GRIN2C: variants seen among roughly 807,000 people sequenced by gnomAD.
GRIN2C encodes the protein glutamate ionotropic receptor NMDA type subunit 2C.
Under a neutral mutation model 77.7 loss-of-function variants are expected in GRIN2C, and 64 were observed. The observed-to-expected ratio is 0.82, with a 90% CI of 0.67 to 1.01. The LOEUF (loss-of-function observed/expected upper bound fraction) is 1.01. GRIN2C is among the 50% of genes least tolerant of loss of function. The probability of loss-of-function intolerance (pLI) is 0.00; values close to 1 mark genes in which losing one functional copy is unlikely to be tolerated. For missense variants in GRIN2C, 1,549 were observed against 1,486.0 expected (o/e 1.04, Z -0.70); for synonymous variants, 792 against 643.4 (o/e 1.23, Z -3.49).
At chr17:74,860,492 G>A (rs1817579308), upstream of GRIN2C, 1 of 456,546 alleles carries the variant, frequency 2.2e-6, no homozygotes, top group African/African-American at 2.0e-5. Context: ...TGGGGGTTCA[G>A]GTTGCCGGGT....
At position 74,855,037 on chromosome 17, in the gene GRIN2C, G is replaced by T; in HGVS notation, c.56C>A (p.Ala19Glu). The change falls in exon 2 of 13, where the codon GCA becomes GAA. Residue 19 changes from alanine to glutamate, a missense_variant. Physicochemically the swap from Ala to Glu is moderately radical, Grantham distance 107. Around this residue, in one of 3 missense-constraint regions of GRIN2C, gnomAD observed 382 missense variants for 360.0 expected, o/e 1.06. Coordinates refer to ENST00000293190, the MANE Select transcript of GRIN2C (RefSeq NM_000835.6). ...LLLTSLFGAWAGLGPGQGEQG... is the reference protein window; with the variant it reads ...LLLTSLFGAWEGLGPGQGEQG... Reference sequence around the variant, plus strand: ...CTCGCCCTGCCCCGGACCCAGCCCTGCCCAGGCACCGAAGAGCGAGGTGAG... The same window carrying T: ...CTCGCCCTGCCCCGGACCCAGCCCTTCCCAGGCACCGAAGAGCGAGGTGAG... 1 of 1,599,934 alleles carries T rather than the reference G, an allele frequency of 6.3e-7. No individual in the cohort carries two copies. The highest frequency in any genetic ancestry group is 8.5e-7 in the Non-Finnish European group (1 of 1,178,804).
rs2037507482 is a variant in GRIN2C at position 74,847,725 on chromosome 17, C to T, written c.1771+127G>A. The T allele has an allele frequency of 1.6e-5, 15 of 961,442 alleles. No individual in the cohort carries two copies. The highest frequency in any genetic ancestry group is 2.2e-5 in the Non-Finnish European group (14 of 629,926). The allele number at this position is 961,442 out of a possible 1,614,324, so 59.6% of individuals were successfully genotyped here. A position where few individuals can be genotyped will look rare whatever the true frequency, so the allele number is the denominator to read the frequency against. ...CTGTGTGTGTGTGTCATCTGACTGGCCCCCAGCATGTGCCATCCAAAAGCA... is the reference window on the plus strand; with the variant it reads ...CTGTGTGTGTGTGTCATCTGACTGGTCCCCAGCATGTGCCATCCAAAAGCA... On this transcript the variant is annotated intron_variant, in intron 8 of 12. Coordinates refer to ENST00000293190, the MANE Select transcript of GRIN2C (RefSeq NM_000835.6). The surrounding 1 kb of genome is among the most constrained non-coding windows in gnomAD (Gnocchi z 5.2).
rs199510557 is a variant in GRIN2C at position 74,842,674 on chromosome 17, C to T, written c.3463G>A (p.Ala1155Thr). 3.6e-4 allele frequency: 265 copies of T among 734,454 alleles called. 2 individuals are homozygous for T. In the East Asian group the frequency reaches 6.7e-3, roughly 19 times the overall value. The allele number at this position is 734,454 out of a possible 1,614,324, so 45.5% of individuals were successfully genotyped here. A position where few individuals can be genotyped will look rare whatever the true frequency, so the allele number is the denominator to read the frequency against. ...HRQHVCLHAH[A>T]HLPFCWGAVC... ...GCCCCCCAGCAAAATGGCAGGTGGG[C>T]GTGGGCGTGCAGGCAGACGTGCTGT... The change falls in exon 13 of 13, where the codon GCC (alanine) becomes ACC (threonine). Residue 1155 changes from alanine to threonine, a missense_variant. Coordinates refer to ENST00000293190, the MANE Select transcript of GRIN2C (RefSeq NM_000835.6).
Position 74,842,927 on chromosome 17 carries a change from G to C in GRIN2C, c.3210C>G (p.Ala1070=), listed in dbSNP as rs1186443345. The C allele has an allele frequency of 5.3e-6, 3 of 568,708 alleles. No homozygotes were observed. Among genetic ancestry groups the C allele is most frequent in the East Asian group, 6.9e-5 (2 of 29,020 alleles). The allele number at this position is 568,708 out of a possible 1,614,324, so 35.2% of individuals were successfully genotyped here. Residue 1070 remains alanine, a synonymous_variant, in exon 13 of 13, where the codon GCC becomes GCG. Transcript: ENST00000293190. ...LARREALLHA[A]WARGSRPRHA... The stretch of plus-strand genomic sequence containing the variant: ...GACGCGGGCGCGAGCCCCGGGCCCA[G>C]GCCGCGTGCAGCAGGGCCTCCCGCC...
At chr17:74,854,568 A>G (rs1174419922) in intron 2 of GRIN2C, 126 bp downstream of exon 2, 8 of 697,996 alleles carry the variant, frequency 1.1e-5, no homozygotes, top group Non-Finnish European at 2.0e-5. Context: ...CATCACCCAC[A>G]TCATGCCCTC....
rs199870354 is a variant in GRIN2C, at chr17:74,851,665, C to T, written c.1025G>A (p.Gly342Asp). 15 of 1,570,792 alleles carry T rather than the reference C, an allele frequency of 9.5e-6. No individual in the cohort carries two copies. In the East Asian group the frequency reaches 3.3e-4, roughly 34 times the overall value. Reference sequence around the variant, plus strand: ...ACCAGGGCTGAAGGAGAAGTCTCGGCCCTCCCAGGTGACATTCAGTAGGTG... The same window carrying T: ...ACCAGGGCTGAAGGAGAAGTCTCGGTCCTCCCAGGTGACATTCAGTAGGTG... ...YRHLLNVTWE[G>D]RDFSFSPGGY... is the part of the protein sequence containing the mutation. The change falls in exon 4 of 13, where the codon GGC becomes GAC. Residue 342 changes from glycine to aspartate, a missense_variant. Physicochemically the swap from Gly to Asp is moderately conservative, Grantham distance 94. This residue lies in a region of GRIN2C where 717 missense variants were observed against 858.1 expected (regional missense o/e 0.84). Coordinates refer to ENST00000293190, the MANE Select transcript of GRIN2C (RefSeq NM_000835.6).
At position 74,850,439 on chromosome 17, in the gene GRIN2C, C is replaced by T; in HGVS notation, c.1326-68G>A. ...TCGTGGCCCAGCCCCGCCCCAGCCA[C>T]TCCTCCAGCCTGGCACGTGGACCCC... On this transcript the variant is annotated intron_variant, in intron 5 of 12. Coordinates refer to ENST00000293190, the MANE Select transcript of GRIN2C (RefSeq NM_000835.6). The surrounding 1 kb of genome is among the most constrained non-coding windows in gnomAD (Gnocchi z 5.3). 1 of 1,580,402 alleles carries T rather than the reference C, an allele frequency of 6.3e-7. No individual in the cohort carries two copies. Among genetic ancestry groups the T allele is most frequent in the Non-Finnish European group, 8.6e-7 (1 of 1,157,958 alleles).
At position 74,850,714 on chromosome 17, in the gene GRIN2C, G is replaced by A; in HGVS notation, c.1167C>T (p.Arg389=). 1 of 1,613,568 alleles carries A rather than the reference G, an allele frequency of 6.2e-7. No individual in the cohort carries two copies. Among genetic ancestry groups the A allele is most frequent in the Non-Finnish European group, 8.5e-7 (1 of 1,179,996 alleles). Residue 389 remains arginine (R), a synonymous_variant, in exon 5 of 13, where the codon CGC becomes CGT. Coordinates refer to ENST00000293190, the MANE Select transcript of GRIN2C (RefSeq NM_000835.6). This position sits in a 1 kb window ranked among gnomAD's most constrained non-coding sequence, Gnocchi z 5.3. ...CCACAGGCTGCAGAGAGGCACTGTA[G>A]CGAGGCCACACGGGGTACTTCATGT... ...VLYMKYPVWP[R]YSASLQPVVD... is the part of the protein sequence containing the mutation.
At chr17:74,852,715 G>A (rs921756914) in intron 2 of GRIN2C, 104 bp from the exon 3 acceptor site, 8 of 538,918 alleles carry the variant, frequency 1.5e-5, no homozygotes, top group Non-Finnish European at 2.1e-5. Context: ...CCTTGCGCCG[G>A]CGGATGCTCC....
chr17:74,844,166 C>G, intron 12 of GRIN2C, 110 bp downstream of exon 12: 1 of 1,506,972 alleles, frequency 6.6e-7, no homozygotes, highest in Non-Finnish European at 8.8e-7. Context: ...GAGCCATGAG[C>G]CGGGCCAGAA....
At position 74,859,171 on chromosome 17, in the gene GRIN2C, C is replaced by T. The variant is rs372710645; in HGVS notation, c.-16+573G>A. Among the ~76,000 whole-genome samples, 1 of 152,194 alleles carries T rather than the reference C, an allele frequency of 6.6e-6. No homozygotes were observed. The highest frequency in any genetic ancestry group is 1.9e-4 in the East Asian group (1 of 5,194). ...CATTGTCTCAGAGACCTCTGCCCAC[C>T]CACCCACTCAGGGTCTCACCCCTTC... On this transcript the variant is annotated intron_variant, in intron 1 of 12. Coordinates refer to ENST00000293190, the MANE Select transcript of GRIN2C (RefSeq NM_000835.6). This position sits in a 1 kb window ranked among gnomAD's most constrained non-coding sequence, Gnocchi z 5.9.
chr17:74,850,003 C>G lies in GRIN2C; in HGVS notation c.1492-70G>C, dbSNP rs967322581. The G allele has an allele frequency of 7.9e-6, 12 of 1,510,016 alleles. No homozygotes were observed. In the African/African-American group the frequency reaches 1.7e-4, roughly 21 times the overall value. 93.5% of individuals were successfully genotyped at this position (1,510,016 alleles called of 1,614,324 possible). On this transcript the variant is annotated intron_variant, in intron 6 of 12. Coordinates refer to ENST00000293190, the MANE Select transcript of GRIN2C (RefSeq NM_000835.6). The surrounding 1 kb of genome is among the most constrained non-coding windows in gnomAD (Gnocchi z 5.3). ...GGGTGGACACGCTGCACAGGCACCT[C>G]CAGACACCCCTTCTAGCACCCACCA...
At chr17:74,844,067 T>A in intron 12 of GRIN2C, 1 of 1,003,558 alleles carries the variant, frequency 1.0e-6, no homozygotes, top group Non-Finnish European at 1.4e-6. Flanking sequence ...AGAGATGGGT[T>A]TTCGCCATGT....
intron 4 of GRIN2C, chr17:74,851,316 G>A: frequency 2.2e-6 from 1 of 453,650 alleles, no homozygotes; most frequent in Non-Finnish European, 4.0e-6. Context: ...TCCTGCAGGG[G>A]CAGGACCAGG....
chr17:74,860,553 A>T (rs144620799), upstream of GRIN2C: 2 of 451,460 alleles, frequency 4.4e-6, no homozygotes, highest in Non-Finnish European at 9.0e-6. Context: ...GAAACAGGAG[A>T]CTCGGGGCTT....
Position 74,842,224 on chromosome 17 carries a change from C to T in GRIN2C, c.*211G>A, listed in dbSNP as rs879757445. The T allele has an allele frequency of 1.3e-5, 7 of 535,198 alleles. No homozygotes were observed. In the Admixed American group the frequency reaches 2.6e-4, roughly 20 times the overall value. The allele number at this position is 535,198 out of a possible 1,614,324, so 33.2% of individuals were successfully genotyped here. A position where few individuals can be genotyped will look rare whatever the true frequency, so the allele number is the denominator to read the frequency against. Reference sequence around the variant, plus strand: ...CACAGCACACCCTCCTGGCAGAACTCTGCGTGAGAAGAGGACAGCAAAAGC... The same window carrying T: ...CACAGCACACCCTCCTGGCAGAACTTTGCGTGAGAAGAGGACAGCAAAAGC... On this transcript the variant is annotated 3_prime_UTR_variant, in exon 13 of 13. Transcript: ENST00000293190.
Position 74,842,337 on chromosome 17 carries a change from C to T in GRIN2C, c.*98G>A. On this transcript the variant is annotated 3_prime_UTR_variant, in exon 13 of 13. Transcript: ENST00000293190. ...CACTGGGGTCCCATGGCCAGGATTT[C>T]ATGGCAGAAGCCAGAAAAGCCCAAT... 1 of 658,078 alleles carries T rather than the reference C, an allele frequency of 1.5e-6. No individual in the cohort carries two copies. The highest frequency in any genetic ancestry group is 2.7e-5 in the East Asian group (1 of 37,614). 40.8% of individuals were successfully genotyped at this position (658,078 alleles called of 1,614,324 possible).
In GRIN2C at chr17:74,846,071, C is replaced by T; in HGVS notation, c.2345G>A (p.Gly782Glu). 6.2e-7 allele frequency: 1 copy of T among 1,613,960 alleles called. No individual in the cohort carries two copies. Among genetic ancestry groups the T allele is most frequent in the Non-Finnish European group, 8.5e-7 (1 of 1,179,824 alleles). The change falls in exon 11 of 13, where the codon GGG (glycine) becomes GAG (glutamate). Residue 782 changes from glycine to glutamate, a missense_variant. Coordinates refer to ENST00000293190, the MANE Select transcript of GRIN2C (RefSeq NM_000835.6). The surrounding 1 kb of genome is among the most constrained non-coding windows in gnomAD (Gnocchi z 4.4). ...AIDLALLQFL[G>E]DGETQKLETV... ...CCAGCAATGGCAGTACCCACCGTCC[C>T]CCAGGAACTGCAAGAGCGCCAGGTC...
At chr17:74,861,140 C>A (rs1055077239), upstream of GRIN2C, among the ~76,000 whole-genome samples, 1 of 152,180 alleles carries the variant, frequency 6.6e-6, no homozygotes, top group Non-Finnish European at 1.5e-5. Context: ...ACCCTGGGGA[C>A]GAACGTCTTG....
Sources: allele counts gnomAD v4.1 joint callset (sites outside exome capture counted in the v4.1 genomes callset), GRCh38; gene constraint gnomAD v4.1.1; regional missense constraint gnomAD v4.1.1; non-coding constraint Gnocchi (gnomAD v3.1); transcripts MANE v1.5; gene names NCBI Gene and HGNC (gene_info 2026-07-23, HGNC 2026-07-21).